The following TNNI3K variants were observed in gnomAD, a reference collection of about 807,000 sequenced individuals.
The protein encoded by TNNI3K is TNNI3 interacting kinase.
A neutral mutation model predicts 114.5 loss-of-function variants in TNNI3K; 140 were observed. The observed-to-expected ratio is 1.22, with a 90% CI of 1.07 to 1.41. TNNI3K has a LOEUF of 1.41. Ranked by LOEUF, TNNI3K falls within the 40% of genes most tolerant of loss-of-function variation. The pLI, the probability that TNNI3K is intolerant of heterozygous loss-of-function variation, is 0.00. For missense variants in TNNI3K, 1,125 were observed against 1,007.6 expected (o/e 1.12, Z -1.58); for synonymous variants, 347 against 347.5 (o/e 1.00, Z 0.02).
intron 21 of TNNI3K, among the ~76,000 whole-genome samples, chr1:74,467,276 T>C (rs1667720262): frequency 6.6e-6 from 1 of 152,120 alleles, no homozygotes; most frequent in African/African-American, 2.4e-5. Flanking sequence ...CATCTTTAGA[T>C]GGAGGACACT....
chr1:74,264,317 C>T (rs991972036), intron 4 of TNNI3K, among the ~76,000 whole-genome samples: 1 of 151,888 alleles, frequency 6.6e-6, no homozygotes, highest in African/African-American at 2.4e-5. Context: ...TATTTTCATA[C>T]TGATTAATGG....
At chr1:74,449,668 A>G (rs1666897397) in intron 20 of TNNI3K, among the ~76,000 whole-genome samples, 1 of 151,694 alleles carries the variant, frequency 6.6e-6, no homozygotes. Context: ...AGGCCATTAC[A>G]TAATGGTAAA....
At chr1:74,251,998 C>A (rs1654958002) in intron 4 of TNNI3K, among the ~76,000 whole-genome samples, 1 of 152,162 alleles carries the variant, frequency 6.6e-6, no homozygotes, top group Admixed American at 6.5e-5. Flanking sequence ...CTGATGTTGA[C>A]TTTTCTTCTG....
Position 74,355,333 on chromosome 1 carries a change from C to T in TNNI3K, c.1177+1204C>T, listed in dbSNP as rs538018988. Among the ~76,000 whole-genome samples, 9 of 152,248 alleles carry T rather than the reference C, an allele frequency of 5.9e-5. No homozygotes were observed. In the South Asian group the frequency reaches 1.9e-3, roughly 32 times the overall value. ...ACTAAAGTGGGATATGGGCCAGGCG[C>T]GGTGGCTCATGCCTGTAATCCCAAC... On this transcript the variant is annotated intron_variant, in intron 11 of 24. Coordinates refer to ENST00000326637, the MANE Select transcript of TNNI3K (RefSeq NM_015978.3).
At chr1:74,404,595 T>A (rs560473768) in intron 17 of TNNI3K, among the ~76,000 whole-genome samples, 2 of 152,196 alleles carry the variant, frequency 1.3e-5, no homozygotes, top group African/African-American at 2.4e-5. Context: ...TACGTATTAG[T>A]TGGGGCCAAA....
intron 23 of TNNI3K, among the ~76,000 whole-genome samples, chr1:74,521,516 G>GTA (rs45531434): frequency 0.034 from 5,141 of 150,564 alleles, 269 homozygotes; most frequent in African/African-American, 0.12. Context: ...GTGTGTATGT[G>GTA]TATATATATA....
intron 17 of TNNI3K, among the ~76,000 whole-genome samples, chr1:74,386,470 A>G (rs915465329): frequency 6.6e-6 from 1 of 152,210 alleles, no homozygotes; most frequent in East Asian, 1.9e-4. Context: ...GAGAAAATGC[A>G]TCTATGGGAT....
chr1:74,331,562 T>C lies in TNNI3K; in HGVS notation c.543+14T>C, dbSNP rs1660209164. Reference sequence around the variant, plus strand: ...GGACATGAACAGGTAAGTCTGACAGTAGGATTTCCAAAGGTTAGGTGTTGC... The same window carrying C: ...GGACATGAACAGGTAAGTCTGACAGCAGGATTTCCAAAGGTTAGGTGTTGC... On this transcript the variant is annotated intron_variant, in intron 6 of 24. Coordinates refer to ENST00000326637, the MANE Select transcript of TNNI3K (RefSeq NM_015978.3). The C allele has an allele frequency of 2.5e-6, 4 of 1,605,712 alleles. No homozygotes were observed. In the African/African-American group the frequency reaches 5.3e-5, roughly 21 times the overall value.
intron 1 of TNNI3K, 78 bp downstream of exon 1, chr1:74,235,569 G>C (rs1653796756): frequency 2.6e-6 from 2 of 781,788 alleles, no homozygotes; most frequent in Admixed American, 5.5e-5. Flanking sequence ...CAACTCATTG[G>C]AATATGTGTT....
chr1:74,413,319 A>G (rs929084586), intron 17 of TNNI3K, among the ~76,000 whole-genome samples: 5 of 152,200 alleles, frequency 3.3e-5, no homozygotes, highest in African/African-American at 1.2e-4. Context: ...TAATTTATTC[A>G]TTTTAATTTT....
At chr1:74,304,181 A>G (rs769450300) in intron 5 of TNNI3K, among the ~76,000 whole-genome samples, 1 of 152,242 alleles carries the variant, frequency 6.6e-6, no homozygotes, top group Non-Finnish European at 1.5e-5. Flanking sequence ...AAATTTTGAA[A>G]GAAGTTCTAC....
intron 17 of TNNI3K, among the ~76,000 whole-genome samples, chr1:74,394,533 G>A (rs1221918490): frequency 2.0e-5 from 3 of 152,288 alleles, no homozygotes; most frequent in East Asian, 1.9e-4. Context: ...ATGCCTGCTT[G>A]TCAGCAACCC....
At chr1:74,507,911 G>A (rs376466039) in intron 23 of TNNI3K, among the ~76,000 whole-genome samples, 6 of 152,318 alleles carry the variant, frequency 3.9e-5, no homozygotes, top group African/African-American at 1.4e-4. Flanking sequence ...AACATTTGCA[G>A]AGTCCCTATA....
At chr1:74,270,773 C>T (rs1656293438) in intron 4 of TNNI3K, among the ~76,000 whole-genome samples, 2 of 151,492 alleles carry the variant, frequency 1.3e-5, no homozygotes, top group South Asian at 4.2e-4. Flanking sequence ...GGTTTAAATT[C>T]CTACTTTGAG....
chr1:74,284,853 C>G (rs17095065), intron 5 of TNNI3K, among the ~76,000 whole-genome samples: 4,459 of 152,328 alleles, frequency 0.029, 201 homozygotes, highest in African/African-American at 0.1. Context: ...ACTCCTTCAG[C>G]TCTGGGCTGA....
At chr1:74,240,678 T>G (rs1654135945) in intron 2 of TNNI3K, 2 of 152,196 alleles carry the variant, frequency 1.3e-5, no homozygotes, top group Non-Finnish European at 2.9e-5. Context: ...GACTATGTTT[T>G]GCTAATTTCA....
At chr1:74,438,509 A>T (rs531815368) in intron 19 of TNNI3K, among the ~76,000 whole-genome samples, 19 of 152,038 alleles carry the variant, frequency 1.2e-4, no homozygotes, top group Non-Finnish European at 1.8e-4. Context: ...ATAAAGTGCA[A>T]TGAGGATTTA....
intron 17 of TNNI3K, among the ~76,000 whole-genome samples, chr1:74,380,471 A>T (rs1364759401): frequency 6.6e-6 from 1 of 152,030 alleles, no homozygotes; most frequent in Non-Finnish European, 1.5e-5. Flanking sequence ...CCCTGTAACA[A>T]TGTCACCTTC....
rs746948672 is a variant in TNNI3K at position 74,369,111 on chromosome 1, T to C, written c.1411T>C (p.Ser471Pro). ...AATTGAGTTCCATGAGATTATTGGC[T>C]CAGGTAACCTAAAATAAATAAATAA... ...SEIEFHEIIG[S>P]GSFGKVYKGR... The change falls in exon 14 of 25, where the codon TCA becomes CCA. Residue 471 changes from serine (S) to proline (P), a missense_variant. By Grantham distance (74) the Ser-to-Pro change is moderately conservative (BLOSUM62 -1). Coordinates refer to ENST00000326637, the MANE Select transcript of TNNI3K (RefSeq NM_015978.3). 1.6e-5 allele frequency: 25 copies of C among 1,606,536 alleles called. No individual in the cohort carries two copies. In the African/African-American group the frequency reaches 2.7e-4, roughly 17 times the overall value.
Sources: gnomAD v4.1 joint callset for allele counts (sites outside exome capture counted in the v4.1 genomes callset) on GRCh38, gnomAD v4.1.1 for gene constraint, MANE v1.5 for transcripts, NCBI Gene and HGNC (gene_info 2026-07-23, HGNC 2026-07-21) for gene names.